Variants in AKAP9 observed in about 807,000 individuals in gnomAD.
AKAP9 encodes A-kinase anchoring protein 9.
In AKAP9, 311 loss-of-function variants were observed where a neutral mutation model predicts 488.5. The observed-to-expected ratio is 0.64, with a 90% CI of 0.58 to 0.70. The LOEUF (loss-of-function observed/expected upper bound fraction) is 0.70. AKAP9 is among the 30% of genes least tolerant of loss of function. The probability of loss-of-function intolerance (pLI) is 0.00; values close to 1 mark genes in which losing one functional copy is unlikely to be tolerated. For missense variants in AKAP9, 4,215 were observed against 4,374.5 expected (o/e 0.96, Z 1.03); for synonymous variants, 1,462 against 1,483.5 (o/e 0.99, Z 0.33).
chr7:92,109,173 C>G (rs776001221), intron 49 of AKAP9: 1 of 200,588 alleles, frequency 5.0e-6, no homozygotes, highest in Non-Finnish European at 1.0e-5. Context: ...TATGTATCAT[C>G]GAAAAAAACT....
chr7:91,973,324 G>C (rs947208539), intron 1 of AKAP9, among the ~76,000 whole-genome samples: 3 of 152,158 alleles, frequency 2.0e-5, no homozygotes, highest in Admixed American at 6.5e-5. Context: ...GAGGTGAGCT[G>C]TGATGGCGCT....
chr7:92,098,054 A>G lies in AKAP9; in HGVS notation c.10608-55A>G, dbSNP rs532865031. On this transcript the variant is annotated intron_variant, in intron 42 of 49. Transcript: ENST00000356239. ...TCGCCTGCTCTGTAATGTTTGTGGT[A>G]GTAAACACCCCCAATTGAGAAGGTA... The G allele has an allele frequency of 5.1e-6, 6 of 1,175,604 alleles. No individual in the cohort carries two copies. In the East Asian group the frequency reaches 9.4e-5, roughly 18 times the overall value. 72.8% of individuals were successfully genotyped at this position (1,175,604 alleles called of 1,614,324 possible).
intron 42 of AKAP9, 87 bp from the exon 43 acceptor site, chr7:92,098,022 T>G: frequency 1.1e-6 from 1 of 930,328 alleles, no homozygotes; most frequent in Non-Finnish European, 1.7e-6. Context: ...ATAGGTGAAG[T>G]AGAACGTCGC....
chr7:92,011,565 A>G (rs1800744812), intron 8 of AKAP9, among the ~76,000 whole-genome samples: 1 of 152,232 alleles, frequency 6.6e-6, no homozygotes, highest in African/African-American at 2.4e-5. Flanking sequence ...AATAATCAAG[A>G]GAACCCTAGA....
intron 12 of AKAP9, among the ~76,000 whole-genome samples, chr7:92,018,896 C>G (rs1398007577): frequency 6.6e-6 from 1 of 152,148 alleles, no homozygotes; most frequent in Non-Finnish European, 1.5e-5. Context: ...ATATCTCAAT[C>G]AGCATATTGA....
chr7:92,078,524 A>C (rs1284788513), intron 30 of AKAP9, among the ~76,000 whole-genome samples: 1 of 151,710 alleles, frequency 6.6e-6, no homozygotes, highest in East Asian at 1.9e-4. Flanking sequence ...AGTGAGCCTC[A>C]TCATGCCACT....
At chr7:92,097,938 G>T (rs1250680735) in intron 42 of AKAP9, 144 bp downstream of exon 42, 1 of 934,186 alleles carries the variant, frequency 1.1e-6, no homozygotes, top group Non-Finnish European at 1.7e-6. Context: ...TTCTTTAACA[G>T]AACTCAAATG....
chr7:91,970,174 A>G (rs1006448692), intron 1 of AKAP9, among the ~76,000 whole-genome samples: 3 of 152,170 alleles, frequency 2.0e-5, no homozygotes, highest in Non-Finnish European at 4.4e-5. Flanking sequence ...ATCACAAAGA[A>G]AATAATGGAA....
At chr7:91,945,557 C>T (rs1278503128) in intron 1 of AKAP9, among the ~76,000 whole-genome samples, 1 of 152,064 alleles carries the variant, frequency 6.6e-6, no homozygotes, top group Admixed American at 6.6e-5. Context: ...GCCCAGTGGG[C>T]TTTAGGGCAG....
In AKAP9 at chr7:92,070,971, CA is replaced by C; in HGVS notation, c.6575del (p.Gln2192ArgfsTer7). The C allele has an allele frequency of 6.2e-7, 1 of 1,613,836 alleles. No individual in the cohort carries two copies. On this transcript the variant is annotated frameshift_variant, in exon 28 of 50. Coordinates refer to ENST00000356239, the MANE Select transcript of AKAP9 (RefSeq NM_005751.5). LOFTEE classifies it high-confidence loss of function. Reference sequence around the variant, plus strand: ...AGAATTGTCCCTAGAAGTACAATTGCAGGCTGAACGAGATGCCATAGACAGA... The same window carrying C: ...AGAATTGTCCCTAGAAGTACAATTGCGGCTGAACGAGATGCCATAGACAGA... The part of the protein sequence containing the change: ...KPELSLEVQL[Q>X]AERDAIDRKE...
At chr7:92,069,236 A>T (rs573300969) in intron 26 of AKAP9, among the ~76,000 whole-genome samples, 3 of 152,344 alleles carry the variant, frequency 2.0e-5, no homozygotes, top group South Asian at 4.1e-4. Context: ...TTTATCTCAT[A>T]CAAGAGTAAA....
chr7:92,082,411 A>AT, intron 31 of AKAP9, 111 bp from the exon 32 acceptor site: 1 of 1,174,498 alleles, frequency 8.5e-7, no homozygotes, highest in Non-Finnish European at 1.2e-6. Flanking sequence ...CCAACTCCTT[A>AT]TATCTGTAGG....
intron 21 of AKAP9, among the ~76,000 whole-genome samples, chr7:92,049,214 A>G (rs1807502393): frequency 1.3e-5 from 2 of 152,216 alleles, no homozygotes; most frequent in South Asian, 2.1e-4. Context: ...AAATGATTCT[A>G]TTTACCAAAC....
rs777714300 is a variant in AKAP9 at position 92,095,030 on chromosome 7, G to T, written c.9586G>T (p.Val3196Phe). The T allele has an allele frequency of 5.0e-6, 8 of 1,613,964 alleles. No homozygotes were observed. The Admixed American group carries it at 1.3e-4, about 27-fold the overall frequency. ...LKELEAFRLE[V>F]KDKTDEVHLL... Reference sequence around the variant, plus strand: ...TTTGTCTTTCTGACTTAGGTTGGAAGTTAAAGATAAGACAGATGAAGTACA... The same window carrying T: ...TTTGTCTTTCTGACTTAGGTTGGAATTTAAAGATAAGACAGATGAAGTACA... Residue 3196 changes from valine to phenylalanine, a missense_variant, in exon 40 of 50, where the codon GTT becomes TTT. Physicochemically the swap from Val to Phe is conservative, Grantham distance 50 (BLOSUM62 -1). This residue lies in a region of AKAP9 where 1,476 missense variants were observed against 1,477.4 expected (regional missense o/e 1.00). Coordinates refer to ENST00000356239, the MANE Select transcript of AKAP9 (RefSeq NM_005751.5).
At position 92,001,035 on chromosome 7, in the gene AKAP9, T is replaced by TA; in HGVS notation, c.1124dup (p.Asn375LysfsTer8). ...CAGATTGTGCAAAAGAACCAAGAAA[T>TA]AAAAAACATGAAATTAGAGCTGACT... On this transcript the variant is annotated frameshift_variant, in exon 8 of 50. Transcript: ENST00000356239. LOFTEE classifies it high-confidence loss of function. 6.3e-7 allele frequency: 1 copy of TA among 1,588,342 alleles called. No individual in the cohort carries two copies. The highest frequency in any genetic ancestry group is 8.6e-7 in the Non-Finnish European group (1 of 1,168,568).
At chr7:92,080,778 C>A (rs1263036084) in intron 31 of AKAP9, among the ~76,000 whole-genome samples, 9 of 152,086 alleles carry the variant, frequency 5.9e-5, no homozygotes, top group African/African-American at 2.2e-4. Flanking sequence ...ACAGAAATAG[C>A]TTGATTAGTT....
Position 92,003,036 on chromosome 7 carries a change from A to T in AKAP9, c.3119A>T (p.Lys1040Ile). 1 of 1,613,448 alleles carries T rather than the reference A, an allele frequency of 6.2e-7. No individual in the cohort carries two copies. Among genetic ancestry groups the T allele is most frequent in the Admixed American group, 1.7e-5 (1 of 59,954 alleles). The change falls in exon 8 of 50, where the codon AAA (lysine) becomes ATA (isoleucine). Residue 1040 changes from lysine (K) to isoleucine (I), a missense_variant. By Grantham distance (102) the Lys-to-Ile change is moderately radical. Coordinates refer to ENST00000356239, the MANE Select transcript of AKAP9 (RefSeq NM_005751.5). Reference sequence around the variant, plus strand: ...GAAGGATCAGTTTCTAAAGTAAATAAAAGTTTTGGTGAAGAATCAAAAATA... The same window carrying T: ...GAAGGATCAGTTTCTAAAGTAAATATAAGTTTTGGTGAAGAATCAAAAATA... Reference protein sequence around the residue: ...GAEGSVSKVNKSFGEESKIMV... With the variant: ...GAEGSVSKVNISFGEESKIMV...
At chr7:91,965,322 A>G (rs1794308193) in intron 1 of AKAP9, among the ~76,000 whole-genome samples, 2 of 152,188 alleles carry the variant, frequency 1.3e-5, no homozygotes, top group African/African-American at 2.4e-5. Flanking sequence ...TTCACTTAAC[A>G]TAGTGCCCTC....
Position 92,002,404 on chromosome 7 carries a change from T to C in AKAP9, c.2487T>C (p.Asn829=). ...AAATAGAAATACTTATAGAGGAAAA[T>C]GAGGACCTCAAACAACAATGTATTC... ...EKEIEILIEE[N]EDLKQQCIQL... Residue 829 remains asparagine, a synonymous_variant, in exon 8 of 50, where the codon AAT becomes AAC. Transcript: ENST00000356239. 6.2e-7 allele frequency: 1 copy of C among 1,610,236 alleles called. No homozygotes were observed. Among genetic ancestry groups the C allele is most frequent in the Non-Finnish European group, 8.5e-7 (1 of 1,178,818 alleles).
Sources: gnomAD v4.1 joint callset for allele counts (sites outside exome capture counted in the v4.1 genomes callset) on GRCh38, gnomAD v4.1.1 for gene constraint, gnomAD v4.1.1 regional missense constraint, MANE v1.5 for transcripts, NCBI Gene and HGNC (gene_info 2026-07-23, HGNC 2026-07-21) for gene names.